Variants in CNTN4 observed in about 807,000 individuals in gnomAD.
CNTN4 encodes contactin-4.
In CNTN4, 77 loss-of-function variants were observed where a neutral mutation model predicts 122.5. The observed-to-expected ratio is 0.63, with a 90% CI of 0.52 to 0.76. The LOEUF is 0.76. Ranked by LOEUF, CNTN4 falls within the 30% of genes least tolerant of loss-of-function variation. The pLI is 0.00. For missense variants in CNTN4, 1,256 were observed against 1,259.1 expected (o/e 1.00, Z 0.04); for synonymous variants, 512 against 447.0 (o/e 1.15, Z -1.83).
intron 3 of CNTN4, among the ~76,000 whole-genome samples, chr3:2,504,323 A>T (rs976220811): frequency 6.6e-6 from 1 of 152,110 alleles, no homozygotes; most frequent in East Asian, 1.9e-4. Context: ...TACCATCTTC[A>T]TGTTTTCTGG....
chr3:2,665,578 A>C (rs1212037470), intron 4 of CNTN4, among the ~76,000 whole-genome samples: 1 of 152,136 alleles, frequency 6.6e-6, no homozygotes, highest in East Asian at 1.9e-4. Context: ...TTTCCTGGTC[A>C]CTTGGGAGAA....
intron 14 of CNTN4, among the ~76,000 whole-genome samples, chr3:3,009,571 C>T (rs1055479824): frequency 7.4e-6 from 1 of 135,324 alleles, no homozygotes; most frequent in Admixed American, 7.5e-5. Context: ...GTAGCTGGGA[C>T]TACAGGCGCC....
In CNTN4 at chr3:2,709,824, G is replaced by T. The variant is rs1182303471; in HGVS notation, c.56-26391G>T. 6.6e-6 allele frequency among the ~76,000 whole-genome samples: 1 copy of T among 152,056 alleles called. No homozygotes were observed. Among genetic ancestry groups the T allele is most frequent in the Non-Finnish European group, 1.5e-5 (1 of 68,018 alleles). On this transcript the variant is annotated intron_variant, in intron 4 of 24. Coordinates refer to ENST00000418658, the MANE Select transcript of CNTN4 (RefSeq NM_175607.3). This position sits in a 1 kb window ranked among gnomAD's most constrained non-coding sequence, Gnocchi z 5.0. Reference sequence around the variant, plus strand: ...AGCTACTTGGGAGGCTGAGCCAGGAGAGCCCGGGAGTCCAGCAGTGAGCTG... The same window carrying T: ...AGCTACTTGGGAGGCTGAGCCAGGATAGCCCGGGAGTCCAGCAGTGAGCTG...
chr3:2,135,096 C>T (rs751993424), intron 2 of CNTN4, among the ~76,000 whole-genome samples: 2 of 152,094 alleles, frequency 1.3e-5, no homozygotes, highest in African/African-American at 2.4e-5. Flanking sequence ...TAGTGAAGTG[C>T]AGTGAAATTC....
At chr3:2,466,722 A>G (rs1318613984) in intron 3 of CNTN4, among the ~76,000 whole-genome samples, 4 of 152,156 alleles carry the variant, frequency 2.6e-5, no homozygotes, top group African/African-American at 7.2e-5. Flanking sequence ...GTTTTGATAT[A>G]TATTCTATTT....
chr3:2,912,196 G>T (rs1434626675), intron 12 of CNTN4, among the ~76,000 whole-genome samples: 3 of 152,192 alleles, frequency 2.0e-5, no homozygotes, highest in Non-Finnish European at 4.4e-5. Flanking sequence ...CAAGAGAAAA[G>T]CAACCCATCA....
intron 12 of CNTN4, among the ~76,000 whole-genome samples, chr3:2,923,851 T>C (rs2094450094): frequency 6.6e-6 from 1 of 152,210 alleles, no homozygotes; most frequent in Non-Finnish European, 1.5e-5. Context: ...ACATAAATAT[T>C]GAGTAGGTGT....
chr3:2,430,091 G>A (rs1018889429), intron 3 of CNTN4, among the ~76,000 whole-genome samples: 6 of 151,944 alleles, frequency 3.9e-5, no homozygotes, highest in Non-Finnish European at 5.9e-5. Context: ...CCCGCTGTCC[G>A]ACAATCCCCA....
At chr3:2,717,341 G>A (rs2087558160) in intron 4 of CNTN4, among the ~76,000 whole-genome samples, 1 of 152,114 alleles carries the variant, frequency 6.6e-6, no homozygotes, top group African/African-American at 2.4e-5. Flanking sequence ...TATATGTCAA[G>A]CAGAGGCTGC....
chr3:2,431,384 A>C (rs997649678), intron 3 of CNTN4, among the ~76,000 whole-genome samples: 1 of 152,218 alleles, frequency 6.6e-6, no homozygotes, highest in Non-Finnish European at 1.5e-5. Context: ...GTATGTAGGT[A>C]AATGCAAAGA....
At chr3:2,788,127 A>G (rs529692542) in intron 6 of CNTN4, among the ~76,000 whole-genome samples, 1 of 152,328 alleles carries the variant, frequency 6.6e-6, no homozygotes, top group Non-Finnish European at 1.5e-5. Flanking sequence ...ACAACTATAT[A>G]CCATCACATC....
intron 8 of CNTN4, among the ~76,000 whole-genome samples, chr3:2,878,510 T>G: frequency 6.6e-6 from 1 of 151,752 alleles, no homozygotes; most frequent in Non-Finnish European, 1.5e-5. Flanking sequence ...GAGAAGAATT[T>G]CTATCCCTAA....
chr3:3,004,731 C>T (rs1696442962), intron 14 of CNTN4, among the ~76,000 whole-genome samples: 1 of 152,222 alleles, frequency 6.6e-6, no homozygotes, highest in Non-Finnish European at 1.5e-5. Context: ...TCTTCTCTTG[C>T]TGTACTGTTC....
Position 2,608,892 on chromosome 3 carries a change from A to G in CNTN4, c.55+37334A>G, listed in dbSNP as rs375387490. Among the ~76,000 whole-genome samples, 4 of 152,354 alleles carry G rather than the reference A, an allele frequency of 2.6e-5. No homozygotes were observed. In the East Asian group the frequency reaches 5.8e-4, roughly 22 times the overall value. ...TTTTCTTCCACTACTGGGAGATTTC[A>G]TAGGCCAAATATTCTCTCTAGTCAG... On this transcript the variant is annotated intron_variant, in intron 4 of 24. Transcript: ENST00000418658.
intron 14 of CNTN4, among the ~76,000 whole-genome samples, chr3:3,003,550 T>C (rs972697468): frequency 2.0e-5 from 3 of 151,888 alleles, no homozygotes; most frequent in East Asian, 3.9e-4. Flanking sequence ...GGAAAATTTA[T>C]AGAAACAGAA....
intron 18 of CNTN4, 93 bp downstream of exon 18, chr3:3,037,421 C>A: frequency 6.5e-7 from 1 of 1,531,468 alleles, no homozygotes; most frequent in Non-Finnish European, 9.0e-7. Context: ...AGCGCTCATG[C>A]GGCTCTGTGT....
intron 4 of CNTN4, among the ~76,000 whole-genome samples, chr3:2,671,621 G>T (rs886822330): frequency 2.0e-5 from 3 of 152,152 alleles, no homozygotes; most frequent in Non-Finnish European, 4.4e-5. Context: ...GCTTTGTTCT[G>T]TTGCTGGTGA....
chr3:2,341,855 T>C (rs1402890207), intron 3 of CNTN4, among the ~76,000 whole-genome samples: 1 of 152,212 alleles, frequency 6.6e-6, no homozygotes, highest in Non-Finnish European at 1.5e-5. Flanking sequence ...TCCTGGACAA[T>C]GCATTTCCAG....
intron 2 of CNTN4, among the ~76,000 whole-genome samples, chr3:2,130,051 A>G (rs755282949): frequency 1.6e-4 from 24 of 152,158 alleles, no homozygotes; most frequent in Non-Finnish European, 3.4e-4. Flanking sequence ...ACTAGTGGTA[A>G]AGTGATAGAG....
Sources: gnomAD v4.1 joint callset for allele counts (sites outside exome capture counted in the v4.1 genomes callset) on GRCh38, gnomAD v4.1.1 for gene constraint, Gnocchi (gnomAD v3.1) non-coding constraint, MANE v1.5 for transcripts, NCBI Gene and HGNC (gene_info 2026-07-23, HGNC 2026-07-21) for gene names.